Variants in MOB1B observed in about 807,000 individuals in gnomAD.
The protein encoded by MOB1B is MOB kinase activator 1B.
MOB1B carries 19 observed loss-of-function variants against 24.4 expected under a neutral mutation model. That is an observed-to-expected ratio of 0.78 (90% CI 0.54 to 1.14). The LOEUF (loss-of-function observed/expected upper bound fraction) is 1.14. Ranked by LOEUF, MOB1B falls within the 50% of genes most tolerant of loss-of-function variation. The pLI, the probability that MOB1B is intolerant of heterozygous loss-of-function variation, is 0.00. For missense variants in MOB1B, 243 were observed against 259.6 expected, an observed-to-expected ratio of 0.94 and a Z score of 0.44; for synonymous variants, 76 against 82.1, an observed-to-expected ratio of 0.93 and a Z score of 0.40.
At chr4:70,921,613 A>G (rs72852972) in intron 1 of MOB1B, among the ~76,000 whole-genome samples, 5,252 of 151,088 alleles carry the variant, frequency 0.035, 310 homozygotes, top group African/African-American at 0.12. Context: ...AGTTCAAGCA[A>G]TTCTCTTGCC....
chr4:70,947,824 G>T (rs1255594427), intron 1 of MOB1B, among the ~76,000 whole-genome samples: 1 of 152,136 alleles, frequency 6.6e-6, no homozygotes, highest in Non-Finnish European at 1.5e-5. Context: ...GCCCAGGCTG[G>T]TCTTGAACTT....
At chr4:70,965,174 G>A (rs1267997462) in intron 2 of MOB1B, among the ~76,000 whole-genome samples, 1 of 151,048 alleles carries the variant, frequency 6.6e-6, no homozygotes, top group Admixed American at 6.6e-5. Flanking sequence ...GCAGGTGCTT[G>A]TAATCCTACC....
rs1422348992 is a variant in MOB1B, at chr4:70,987,430, A to T, written c.*5373A>T. 6.6e-6 allele frequency: 1 copy of T among 152,110 alleles called. No homozygotes were observed. Among genetic ancestry groups the T allele is most frequent in the African/African-American group, 2.4e-5 (1 of 41,446 alleles). 9.4% of individuals were successfully genotyped at this position (152,110 alleles called of 1,614,324 possible). Reference sequence around the variant, plus strand: ...AATTGTGCAGGTTGTAAAAAAGATTAGTGCATTTTCATTTTAAGGATGCTT... The same window carrying T: ...AATTGTGCAGGTTGTAAAAAAGATTTGTGCATTTTCATTTTAAGGATGCTT... On this transcript the variant is annotated 3_prime_UTR_variant, in exon 6 of 6. Transcript: ENST00000309395.
chr4:70,948,434 A>T (rs542223372), intron 1 of MOB1B, among the ~76,000 whole-genome samples: 1 of 152,254 alleles, frequency 6.6e-6, no homozygotes, highest in South Asian at 2.1e-4. Context: ...TCTTACCAGA[A>T]TTCTTTAATT....
rs571614971 is a variant in MOB1B at position 70,920,247 on chromosome 4, C to T, written c.14+17697C>T. Among the ~76,000 whole-genome samples the T allele has an allele frequency of 3.9e-5, 6 of 152,088 alleles. No individual in the cohort carries two copies. The East Asian group carries it at 7.7e-4, about 20-fold the overall frequency. On this transcript the variant is annotated intron_variant, in intron 1 of 5. Coordinates refer to ENST00000309395, the MANE Select transcript of MOB1B (RefSeq NM_173468.4). ...TCCTCCTCCTCTTCCTCTTCCTCTC[C>T]TCCTCCTTCTCATTCTCCTTCTCCT...
intron 1 of MOB1B, among the ~76,000 whole-genome samples, chr4:70,904,867 T>C (rs12512564): frequency 0.81 from 122,938 of 152,090 alleles, 53,074 homozygotes; most frequent in Non-Finnish European, 0.96. Context: ...AGTAGAATCC[T>C]ATTTTTACAT....
intron 1 of MOB1B, among the ~76,000 whole-genome samples, chr4:70,909,895 C>T (rs1735904281): frequency 1.3e-5 from 2 of 151,978 alleles, no homozygotes. Context: ...TACAGGTGTC[C>T]TCCACCATGC....
intron 3 of MOB1B, 22 bp downstream of exon 3, chr4:70,970,046 GT>G (rs1390147259): frequency 3.7e-6 from 5 of 1,347,720 alleles, no homozygotes; most frequent in South Asian, 1.3e-5. Context: ...TTAATGATCA[GT>G]TTCTTATTTT....
At chr4:70,922,334 C>G (rs1054027010) in intron 1 of MOB1B, among the ~76,000 whole-genome samples, 6 of 152,144 alleles carry the variant, frequency 3.9e-5, no homozygotes, top group African/African-American at 1.4e-4. Flanking sequence ...TTACCTAAAA[C>G]ATTTATCCCA....
At chr4:70,955,702 C>G (rs1474133897) in intron 1 of MOB1B, among the ~76,000 whole-genome samples, 3 of 151,656 alleles carry the variant, frequency 2.0e-5, no homozygotes, top group African/African-American at 7.3e-5. Context: ...AACTCCCAAC[C>G]TCAGGTGATC....
intron 1 of MOB1B, among the ~76,000 whole-genome samples, chr4:70,911,096 G>C (rs1735967744): frequency 6.6e-6 from 1 of 152,070 alleles, no homozygotes. Flanking sequence ...AACTTCTTCT[G>C]AATCTTTTTT....
At chr4:70,913,099 CTT>C (rs1266378426) in intron 1 of MOB1B, among the ~76,000 whole-genome samples, 1 of 152,126 alleles carries the variant, frequency 6.6e-6, no homozygotes, top group African/African-American at 2.4e-5. Flanking sequence ...CTTTCCTTGA[CTT>C]TTATGACCTT....
intron 2 of MOB1B, among the ~76,000 whole-genome samples, chr4:70,959,787 T>G (rs1738225982): frequency 6.6e-6 from 1 of 152,234 alleles, no homozygotes; most frequent in Admixed American, 6.5e-5. Context: ...GGATCAAATA[T>G]ACAGCTATAG....
At chr4:70,957,214 C>G (rs1280921344) in intron 1 of MOB1B, among the ~76,000 whole-genome samples, 2 of 132,636 alleles carry the variant, frequency 1.5e-5, no homozygotes, top group African/African-American at 5.8e-5. Context: ...GAGCTGAGAT[C>G]GTGCCTCTGC....
intron 1 of MOB1B, among the ~76,000 whole-genome samples, chr4:70,940,462 G>T (rs1281835440): frequency 1.3e-5 from 2 of 152,100 alleles, no homozygotes; most frequent in African/African-American, 4.8e-5. Context: ...GAACTGCAAG[G>T]AATATCTGTT....
chr4:70,902,045 A>G (rs756691646), upstream of MOB1B, among the ~76,000 whole-genome samples: 1 of 152,012 alleles, frequency 6.6e-6, no homozygotes, highest in Non-Finnish European at 1.5e-5. Context: ...GCTGAAGCCC[A>G]CTTCCTCCCT....
At chr4:70,931,069 A>G (rs1736874438) in intron 1 of MOB1B, among the ~76,000 whole-genome samples, 2 of 148,448 alleles carry the variant, frequency 1.3e-5, no homozygotes, top group Non-Finnish European at 3.0e-5. Context: ...CTGACATCAC[A>G]CTGATAACCA....
At chr4:70,942,292 C>A (rs1185533614) in intron 1 of MOB1B, among the ~76,000 whole-genome samples, 1 of 151,636 alleles carries the variant, frequency 6.6e-6, no homozygotes, top group Non-Finnish European at 1.5e-5. Context: ...AGTGGAATTG[C>A]CATTTAATAT....
chr4:70,979,418 C>T, intron 5 of MOB1B, 127 bp downstream of exon 5: 3 of 659,176 alleles, frequency 4.6e-6, no homozygotes, highest in Non-Finnish European at 7.5e-6. Context: ...TCCTCTTCTA[C>T]AGTTTTCCAT....
Sources: gnomAD v4.1 joint callset for allele counts (sites outside exome capture counted in the v4.1 genomes callset) on GRCh38, gnomAD v4.1.1 for gene constraint, MANE v1.5 for transcripts, NCBI Gene and HGNC (gene_info 2026-07-23, HGNC 2026-07-21) for gene names.